Variants in EIF2B3 observed in about 807,000 individuals in gnomAD.
EIF2B3 encodes the protein eukaryotic translation initiation factor 2B subunit gamma.
A neutral mutation model predicts 54.1 loss-of-function variants in EIF2B3; 20 were observed. The observed-to-expected ratio is 0.37, with a 90% CI of 0.26 to 0.54. The LOEUF (loss-of-function observed/expected upper bound fraction) is 0.54, where lower values mean the gene tolerates loss of function less well. EIF2B3 is among the 20% of genes least tolerant of loss of function. EIF2B3 has a pLI of 0.86. For missense variants in EIF2B3, 448 were observed against 547.8 expected, an observed-to-expected ratio of 0.82 and a Z score of 1.82; for synonymous variants, 153 against 188.1, an observed-to-expected ratio of 0.81 and a Z score of 1.52.
chr1:44,965,634 C>CTTTTTTTTTT (rs386366856), intron 3 of EIF2B3, among the ~76,000 whole-genome samples: 2 of 102,400 alleles, frequency 2.0e-5, no homozygotes, highest in Non-Finnish European at 3.7e-5. Context: ...ACAAATGCAT[C>CTTTTTTTTTT]TTTTTTTTTT....
At chr1:44,958,704 G>A (rs1226093326) in intron 3 of EIF2B3, 42 of 1,595,582 alleles carry the variant, frequency 2.6e-5, no homozygotes, top group Non-Finnish European at 3.5e-5. Flanking sequence ...TATCTGTGCT[G>A]CCTGAAACAG....
At chr1:44,898,713 TGA>T (rs999360498) in intron 5 of EIF2B3, among the ~76,000 whole-genome samples, 3 of 152,294 alleles carry the variant, frequency 2.0e-5, no homozygotes, top group Admixed American at 2.0e-4. Context: ...GGTCTTGCTC[TGA>T]CTGGAGATAG....
intron 3 of EIF2B3, among the ~76,000 whole-genome samples, chr1:44,956,264 A>G (rs1644223661): frequency 6.6e-6 from 1 of 152,168 alleles, no homozygotes; most frequent in Admixed American, 6.6e-5. Flanking sequence ...TAACACAGGA[A>G]CAGAAAACCA....
Position 44,881,756 on chromosome 1 carries a change from G to A in EIF2B3, c.657-17C>T, listed in dbSNP as rs753034679. ...GTTATTGACCTAGAAAGAAAGAATGGCCAAATATGAGAAACCTGACTGTCT... is the reference window on the plus strand; with the variant it reads ...GTTATTGACCTAGAAAGAAAGAATGACCAAATATGAGAAACCTGACTGTCT... On this transcript the variant is annotated splice_polypyrimidine_tract_variant and intron_variant, in intron 6 of 11. Transcript: ENST00000360403. The surrounding 1 kb of genome is among the most constrained non-coding windows in gnomAD (Gnocchi z 4.0). 1 of 1,613,594 alleles carries A rather than the reference G, an allele frequency of 6.2e-7. No homozygotes were observed.
chr1:44,951,695 A>C (rs1051412683), intron 3 of EIF2B3, among the ~76,000 whole-genome samples: 5 of 152,302 alleles, frequency 3.3e-5, no homozygotes, highest in African/African-American at 4.8e-5. Flanking sequence ...CACACTGTCC[A>C]GCAATACATT....
At chr1:44,924,343 T>C (rs1167961165) in intron 5 of EIF2B3, among the ~76,000 whole-genome samples, 1 of 152,214 alleles carries the variant, frequency 6.6e-6, no homozygotes, top group Admixed American at 6.6e-5. Flanking sequence ...GTCTATGCCA[T>C]TCTTTAGCTA....
rs186257682 is a variant in EIF2B3 at position 44,953,225 on chromosome 1, C to T, written c.295-11560G>A. Among the ~76,000 whole-genome samples the T allele has an allele frequency of 5.2e-3, 772 of 149,398 alleles. 10 individuals carry two copies. Among genetic ancestry groups the T allele is most frequent in the African/African-American group, 0.018 (742 of 40,696 alleles). On this transcript the variant is annotated intron_variant, in intron 3 of 11. Transcript: ENST00000360403. ...GGCAAGGAAGCACTTATTTATATCA[C>T]ATTCTTTTATAGGTATGAAATTTTT...
chr1:44,875,817 G>A, intron 8 of EIF2B3, 122 bp from the exon 9 acceptor site: 1 of 800,488 alleles, frequency 1.2e-6, no homozygotes, highest in Non-Finnish European at 2.1e-6. Context: ...TCTTTCCACG[G>A]TCTCCCTCTG....
chr1:44,866,120 A>T (rs956345955), intron 10 of EIF2B3, among the ~76,000 whole-genome samples: 1 of 152,040 alleles, frequency 6.6e-6, no homozygotes, highest in Non-Finnish European at 1.5e-5. Flanking sequence ...ATATTTAGCC[A>T]GGCATGGTGG....
intron 1 of EIF2B3, among the ~76,000 whole-genome samples, chr1:44,986,150 T>TTTC (rs1644574590): frequency 6.6e-6 from 1 of 151,266 alleles, no homozygotes; most frequent in African/African-American, 2.4e-5. Flanking sequence ...TTTTTTTTTT[T>TTTC]TTTTTGAAAC....
chr1:44,978,668 A>C (rs1569888495), intron 2 of EIF2B3, among the ~76,000 whole-genome samples: 3 of 115,334 alleles, frequency 2.6e-5, no homozygotes, highest in African/African-American at 3.6e-5. Flanking sequence ...ACAGGGTCTC[A>C]CTCTGCCACT....
chr1:44,958,836 G>C, intron 3 of EIF2B3: 1 of 1,009,602 alleles, frequency 9.9e-7, no homozygotes, highest in Non-Finnish European at 1.6e-6. Flanking sequence ...CTGAGCAGTG[G>C]GCTTCTGGAC....
At chr1:44,967,387 C>T (rs1339916873) in intron 3 of EIF2B3, among the ~76,000 whole-genome samples, 1 of 149,182 alleles carries the variant, frequency 6.7e-6, no homozygotes, top group African/African-American at 2.5e-5. Flanking sequence ...GCAGAGGTTG[C>T]GAAAAGCCGA....
chr1:44,933,702 G>T (rs1479107404), intron 4 of EIF2B3, among the ~76,000 whole-genome samples: 2 of 152,156 alleles, frequency 1.3e-5, no homozygotes, highest in African/African-American at 2.4e-5. Context: ...ATGGGTTTGA[G>T]TTCTGGCTCT....
intron 2 of EIF2B3, among the ~76,000 whole-genome samples, chr1:44,978,704 G>A (rs913668735): frequency 7.5e-5 from 10 of 133,920 alleles, no homozygotes; most frequent in South Asian, 2.4e-4. Flanking sequence ...TGGCACTGTC[G>A]CAGTTCACAG....
intron 3 of EIF2B3, among the ~76,000 whole-genome samples, chr1:44,961,236 G>A (rs936746542): frequency 6.7e-6 from 1 of 148,956 alleles, no homozygotes. Context: ...CTACAGGCTT[G>A]AGCCCAGGAA....
chr1:44,876,224 GT>G (rs1216312977), intron 8 of EIF2B3, among the ~76,000 whole-genome samples: 4 of 151,380 alleles, frequency 2.6e-5, no homozygotes, highest in Admixed American at 2.6e-4. Context: ...AGTGAGGAGC[GT>G]CTCTGCCTGG....
At chr1:44,949,301 T>C (rs1335011067) in intron 3 of EIF2B3, among the ~76,000 whole-genome samples, 2 of 152,202 alleles carry the variant, frequency 1.3e-5, no homozygotes, top group African/African-American at 4.8e-5. Context: ...CGATATATTA[T>C]CTCCCCTAGA....
At chr1:44,948,953 C>G (rs1452820543) in intron 3 of EIF2B3, among the ~76,000 whole-genome samples, 1 of 152,078 alleles carries the variant, frequency 6.6e-6, no homozygotes. Flanking sequence ...CTGCAACCTC[C>G]GCCCCCCGAG....
Sources: allele counts gnomAD v4.1 joint callset (sites outside exome capture counted in the v4.1 genomes callset), GRCh38; gene constraint gnomAD v4.1.1; non-coding constraint Gnocchi (gnomAD v3.1); transcripts MANE v1.5; gene names NCBI Gene and HGNC (gene_info 2026-07-23, HGNC 2026-07-21).